RAB40C: variants seen among roughly 807,000 people sequenced by gnomAD.
RAB40C encodes the protein ras-related protein Rab-40C.
In RAB40C, 8 loss-of-function variants were observed where a neutral mutation model predicts 28.1. The ratio of observed to expected loss-of-function variants is 0.28; its 90% CI spans 0.17 to 0.51. The LOEUF is 0.51. Ranked by LOEUF, RAB40C falls within the 20% of genes least tolerant of loss-of-function variation. RAB40C has a pLI of 0.97. For synonymous variants in RAB40C, 201 were observed against 171.7 expected (o/e 1.17, Z -1.34); for missense variants, 288 against 405.9 (o/e 0.71, Z 2.50).
chr16:596,085 C>T (rs996510041), intron 1 of RAB40C, among the ~76,000 whole-genome samples: 2 of 152,286 alleles, frequency 1.3e-5, no homozygotes, highest in African/African-American at 4.8e-5. Flanking sequence ...TCACAGGCAA[C>T]AGGGCAAATG....
At chr16:593,969 C>T (rs941558995) in intron 1 of RAB40C, among the ~76,000 whole-genome samples, 1 of 152,182 alleles carries the variant, frequency 6.6e-6, no homozygotes, top group African/African-American at 2.4e-5. Flanking sequence ...GAGAAAGCTG[C>T]AGTTCAGGAG....
chr16:614,918 G>A (rs956997972), intron 1 of RAB40C, among the ~76,000 whole-genome samples: 2 of 152,184 alleles, frequency 1.3e-5, no homozygotes, highest in Admixed American at 6.5e-5. Flanking sequence ...TAACTCTACC[G>A]CATCCTGATG....
chr16:628,150 C>G lies in RAB40C; in HGVS notation c.*528C>G, dbSNP rs1015445857. 2.0e-5 allele frequency: 3 copies of G among 152,754 alleles called. No individual in the cohort carries two copies. The highest frequency in any genetic ancestry group is 7.2e-5 in the African/African-American group (3 of 41,456). The allele number at this position is 152,754 out of a possible 1,614,324, so 9.5% of individuals were successfully genotyped here. A position where few individuals can be genotyped will look rare whatever the true frequency, so the allele number is the denominator to read the frequency against. On this transcript the variant is annotated 3_prime_UTR_variant, in exon 6 of 6. Coordinates refer to ENST00000248139, the MANE Select transcript of RAB40C (RefSeq NM_021168.5). The stretch of plus-strand genomic sequence containing the variant: ...GCCGGGGGAGCAGACAGGGCCGGTG[C>G]TCCCTCTGGAAGCTTGGGTGACCGG...
At chr16:601,703 C>T (rs972378859) in intron 1 of RAB40C, among the ~76,000 whole-genome samples, 6 of 149,374 alleles carry the variant, frequency 4.0e-5, no homozygotes, top group African/African-American at 1.5e-4. Context: ...GGACCGGGTG[C>T]GGTGGTGCAC....
chr16:616,879 C>T (rs2036596338), intron 1 of RAB40C: 1 of 366,964 alleles, frequency 2.7e-6, no homozygotes, highest in Non-Finnish European at 5.1e-6. Context: ...CCAGCGCGGG[C>T]CACAGGCGGA....
chr16:620,106 G>A (rs1251047970), intron 3 of RAB40C, among the ~76,000 whole-genome samples: 1 of 152,220 alleles, frequency 6.6e-6, no homozygotes, highest in Non-Finnish European at 1.5e-5. Flanking sequence ...TATTGAAAGA[G>A]GAGTTGGGGC....
rs565487984 is a variant in RAB40C at position 628,589 on chromosome 16, C to T, written c.*967C>T. On this transcript the variant is annotated 3_prime_UTR_variant, in exon 6 of 6. Transcript: ENST00000248139. The stretch of plus-strand genomic sequence containing the variant: ...TGCCTGGAACCACCTCGTCCACGTC[C>T]ACGTCCACCTGGGGGCCTCGGGAGG... The T allele has an allele frequency of 6.6e-6, 1 of 152,398 alleles. No homozygotes were observed. The highest frequency in any genetic ancestry group is 1.5e-5 in the Non-Finnish European group (1 of 68,090). 9.4% of individuals were successfully genotyped at this position (152,398 alleles called of 1,614,324 possible). A position where few individuals can be genotyped will look rare whatever the true frequency, so the allele number is the denominator to read the frequency against.
At chr16:595,688 C>T (rs1234874863) in intron 1 of RAB40C, among the ~76,000 whole-genome samples, 1 of 151,716 alleles carries the variant, frequency 6.6e-6, no homozygotes, top group African/African-American at 2.4e-5. Context: ...CTGCAAGCTC[C>T]ACCTCCCGGG....
chr16:618,084 C>A, intron 2 of RAB40C, 116 bp from the exon 3 acceptor site: 1 of 914,350 alleles, frequency 1.1e-6, no homozygotes, highest in Non-Finnish European at 1.7e-6. Flanking sequence ...TCATTGGCAC[C>A]TGTCCTGGCC....
In RAB40C at chr16:590,178, C is replaced by T; in HGVS notation, c.-114C>T. The stretch of plus-strand genomic sequence containing the variant: ...CTGGGCTTCGGGCGCGCCCACTCGG[C>T]CGCCGTGGGGCGGACGCAACGGGCG... On this transcript the variant is annotated 5_prime_UTR_variant, in exon 1 of 6. Transcript: ENST00000248139. 1 of 778,798 alleles carries T rather than the reference C, an allele frequency of 1.3e-6. No homozygotes were observed. Among genetic ancestry groups the T allele is most frequent in the East Asian group, 1.2e-4 (1 of 8,650 alleles). 48.2% of individuals were successfully genotyped at this position (778,798 alleles called of 1,614,324 possible). A position where few individuals can be genotyped will look rare whatever the true frequency, so the allele number is the denominator to read the frequency against.
At chr16:598,194 A>G (rs2036173290) in intron 1 of RAB40C, among the ~76,000 whole-genome samples, 1 of 152,018 alleles carries the variant, frequency 6.6e-6, no homozygotes, top group South Asian at 2.1e-4. Context: ...CCTGGCTAAC[A>G]TGGTGAAACC....
rs562249266 is a variant in RAB40C, at chr16:609,009, G to T, written c.143-8199G>T. ...GCACACCTGTAGTCCCAGCTACTCA[G>T]GAGGCTGAGCTATGAGGAGCACGTG... On this transcript the variant is annotated intron_variant, in intron 1 of 5. Coordinates refer to ENST00000248139, the MANE Select transcript of RAB40C (RefSeq NM_021168.5). Among the ~76,000 whole-genome samples the T allele has an allele frequency of 2.6e-5, 4 of 152,332 alleles. No homozygotes were observed. In the South Asian group the frequency reaches 6.2e-4, roughly 24 times the overall value.
chr16:594,472 T>C (rs2036068960), intron 1 of RAB40C, among the ~76,000 whole-genome samples: 1 of 152,196 alleles, frequency 6.6e-6, no homozygotes, highest in Non-Finnish European at 1.5e-5. Flanking sequence ...GAGGGCACCC[T>C]GTGTGGGTGT....
intron 1 of RAB40C, among the ~76,000 whole-genome samples, chr16:594,586 G>C (rs1053085570): frequency 6.6e-6 from 1 of 152,158 alleles, no homozygotes; most frequent in East Asian, 1.9e-4. Flanking sequence ...GCCAATTCCA[G>C]GGGACACTAT....
intron 3 of RAB40C, among the ~76,000 whole-genome samples, chr16:619,645 G>A (rs542819175): frequency 7.0e-4 from 107 of 152,314 alleles, no homozygotes; most frequent in Non-Finnish European, 1.0e-3. Flanking sequence ...GGGCCAGTTC[G>A]TGAGCCTGGA....
chr16:601,428 G>T (rs926111079), intron 1 of RAB40C, among the ~76,000 whole-genome samples: 1 of 152,046 alleles, frequency 6.6e-6, no homozygotes, highest in Admixed American at 6.5e-5. Flanking sequence ...AGCCCGGGTC[G>T]CCAGGATCCG....
intron 1 of RAB40C, 107 bp from the exon 2 acceptor site, chr16:617,101 C>T (rs931923819): frequency 1.7e-5 from 20 of 1,179,536 alleles, no homozygotes; most frequent in African/African-American, 6.1e-5. Context: ...GCTGCTTCTC[C>T]ACTTCCGCGT....
chr16:591,371 A>C (rs1320278551), intron 1 of RAB40C, among the ~76,000 whole-genome samples: 1 of 151,844 alleles, frequency 6.6e-6, no homozygotes, highest in Admixed American at 6.6e-5. Flanking sequence ...GAAAGGTGTC[A>C]TGGGCCCGGG....
intron 1 of RAB40C, among the ~76,000 whole-genome samples, chr16:593,943 T>C (rs541969853): frequency 1.3e-5 from 2 of 152,280 alleles, no homozygotes; most frequent in Admixed American, 1.3e-4. Context: ...GTGTGGGTGG[T>C]GCACGCGGCG....
Sources: allele counts gnomAD v4.1 joint callset (sites outside exome capture counted in the v4.1 genomes callset), GRCh38; gene constraint gnomAD v4.1.1; transcripts MANE v1.5; gene names NCBI Gene and HGNC (gene_info 2026-07-23, HGNC 2026-07-21).